KCNH1: variants seen among roughly 807,000 people sequenced by gnomAD.
KCNH1 encodes potassium voltage-gated channel subfamily H member 1, also known as voltage-gated delayed rectifier potassium channel KCNH1.
In KCNH1, 27 loss-of-function variants were observed where a neutral mutation model predicts 69.2. The observed-to-expected ratio is 0.39, with a 90% confidence interval of 0.29 to 0.54. The LOEUF is 0.54. Ranked by LOEUF, KCNH1 falls within the 20% of genes least tolerant of loss-of-function variation. The pLI is 0.68. For missense variants in KCNH1, 798 were observed against 1,261.6 expected, an observed-to-expected ratio of 0.63 and a Z score of 5.57; for synonymous variants, 456 against 487.7, an observed-to-expected ratio of 0.93 and a Z score of 0.86.
At chr1:210,863,438 T>A (rs1250020568) in intron 7 of KCNH1, among the ~76,000 whole-genome samples, 1 of 152,220 alleles carries the variant, frequency 6.6e-6, no homozygotes, top group African/African-American at 2.4e-5. Flanking sequence ...ATGGCTGAAG[T>A]GGACTTGACA....
At chr1:211,002,364 A>G (rs1436409229) in intron 6 of KCNH1, among the ~76,000 whole-genome samples, 1 of 148,736 alleles carries the variant, frequency 6.7e-6, no homozygotes, top group African/African-American at 2.5e-5. Context: ...ACACACACAC[A>G]TATATATATA....
chr1:211,128,340 T>A (rs1019932488), intron 1 of KCNH1, among the ~76,000 whole-genome samples: 1 of 145,682 alleles, frequency 6.9e-6, no homozygotes, highest in Non-Finnish European at 1.5e-5. Flanking sequence ...TGCAACAACA[T>A]AGAGGAATTG....
chr1:211,047,321 A>G (rs1040899720), intron 5 of KCNH1, among the ~76,000 whole-genome samples: 1 of 152,242 alleles, frequency 6.6e-6, no homozygotes, highest in South Asian at 2.1e-4. Context: ...TCAACTATAT[A>G]CATATTAAAC....
At chr1:210,872,401 A>C (rs1686273443) in intron 7 of KCNH1, among the ~76,000 whole-genome samples, 3 of 152,172 alleles carry the variant, frequency 2.0e-5, no homozygotes, top group Admixed American at 2.0e-4. Context: ...ATTTTACAAA[A>C]AAGAGTGTGT....
chr1:211,022,039 C>T (rs916740635), intron 5 of KCNH1, among the ~76,000 whole-genome samples: 1 of 152,060 alleles, frequency 6.6e-6, no homozygotes, highest in Admixed American at 6.6e-5. Context: ...GCAAAAAGAA[C>T]AAAACTAGAG....
chr1:210,830,825 T>C (rs1685144135), intron 7 of KCNH1, among the ~76,000 whole-genome samples: 1 of 152,158 alleles, frequency 6.6e-6, no homozygotes, highest in Non-Finnish European at 1.5e-5. Flanking sequence ...TCTCCTCTGG[T>C]ACTCCCAGGA....
At chr1:210,932,366 T>C (rs766550296) in intron 6 of KCNH1, among the ~76,000 whole-genome samples, 2 of 151,966 alleles carry the variant, frequency 1.3e-5, no homozygotes, top group African/African-American at 2.4e-5. Flanking sequence ...TGGGCAGATA[T>C]ACAAATGAGA....
intron 10 of KCNH1, among the ~76,000 whole-genome samples, chr1:210,731,185 C>T (rs1364806487): frequency 3.3e-5 from 5 of 152,232 alleles, no homozygotes; most frequent in African/African-American, 1.2e-4. Flanking sequence ...GCTCTCCCAT[C>T]ACCTTCCCTA....
At chr1:210,879,739 T>C (rs780774122) in intron 7 of KCNH1, among the ~76,000 whole-genome samples, 1 of 152,036 alleles carries the variant, frequency 6.6e-6, no homozygotes, top group Non-Finnish European at 1.5e-5. Flanking sequence ...TCCAATATAC[T>C]GAAGGTCCTA....
chr1:210,944,692 C>T (rs1687927549), intron 6 of KCNH1, among the ~76,000 whole-genome samples: 2 of 152,192 alleles, frequency 1.3e-5, no homozygotes, highest in Admixed American at 6.5e-5. Flanking sequence ...ACATAATATA[C>T]ATTATTCCTT....
chr1:210,881,358 C>T (rs1006869836), intron 7 of KCNH1, among the ~76,000 whole-genome samples: 1 of 152,120 alleles, frequency 6.6e-6, no homozygotes, highest in Non-Finnish European at 1.5e-5. Context: ...ATCCAGAATA[C>T]TAACTACATC....
At chr1:211,093,820 G>C (rs1457081561) in intron 3 of KCNH1, among the ~76,000 whole-genome samples, 1 of 152,080 alleles carries the variant, frequency 6.6e-6, no homozygotes, top group African/African-American at 2.4e-5. Context: ...TGGTAATCTG[G>C]GAGACGAGAG....
chr1:210,694,649 CCT>C (rs1681598900), intron 10 of KCNH1, among the ~76,000 whole-genome samples: 1 of 152,224 alleles, frequency 6.6e-6, no homozygotes, highest in South Asian at 2.1e-4. Context: ...CTGGGGAGAG[CCT>C]CTGTTTTGTG....
chr1:210,983,775 G>C (rs529882021), intron 6 of KCNH1, among the ~76,000 whole-genome samples: 4 of 152,148 alleles, frequency 2.6e-5, no homozygotes, highest in Admixed American at 6.5e-5. Context: ...GGTTCCATAT[G>C]AACTTTAAAG....
chr1:210,798,537 G>A (rs1684368494), intron 8 of KCNH1, among the ~76,000 whole-genome samples: 1 of 152,190 alleles, frequency 6.6e-6, no homozygotes, highest in Admixed American at 6.5e-5. Flanking sequence ...ATAAGCCTTG[G>A]GTTTTATTCC....
chr1:210,984,371 T>G (rs1399202823), intron 6 of KCNH1, among the ~76,000 whole-genome samples: 2 of 152,198 alleles, frequency 1.3e-5, no homozygotes. Flanking sequence ...AGGGAATGCT[T>G]CCAGTTTTTG....
In KCNH1 at chr1:210,681,017, C is replaced by A. The variant is rs1339663031; in HGVS notation, c.*2264G>T. The stretch of plus-strand genomic sequence containing the variant: ...TGACCGTTGGGTGCCAGACAAGAAG[C>A]CTGTCATCAAGTCCCTGGAGAGCTG... On this transcript the variant is annotated 3_prime_UTR_variant, in exon 11 of 11. Coordinates refer to ENST00000271751, the MANE Select transcript of KCNH1 (RefSeq NM_172362.3). The A allele has an allele frequency of 1.3e-5, 2 of 152,192 alleles. No individual in the cohort carries two copies. Among genetic ancestry groups the A allele is most frequent in the African/African-American group, 4.8e-5 (2 of 41,436 alleles). The allele number at this position is 152,192 out of a possible 1,614,324, so 9.4% of individuals were successfully genotyped here.
chr1:211,096,873 G>C (rs1474606002), intron 3 of KCNH1, among the ~76,000 whole-genome samples: 1 of 152,134 alleles, frequency 6.6e-6, no homozygotes, highest in Non-Finnish European at 1.5e-5. Context: ...GTAATTAAGA[G>C]TCACTGGCAC....
At chr1:210,917,358 A>G (rs559902177) in intron 7 of KCNH1, among the ~76,000 whole-genome samples, 1 of 152,208 alleles carries the variant, frequency 6.6e-6, no homozygotes, top group South Asian at 2.1e-4. Context: ...AAAGAGAGAG[A>G]GAGAGAGATC....
Sources: gnomAD v4.1 joint callset for allele counts (sites outside exome capture counted in the v4.1 genomes callset) on GRCh38, gnomAD v4.1.1 for gene constraint, MANE v1.5 for transcripts, NCBI Gene and HGNC (gene_info 2026-07-23, HGNC 2026-07-21) for gene names.